The following COP1 variants were observed in gnomAD, a reference collection of about 807,000 sequenced individuals.
The protein encoded by COP1 is E3 ubiquitin-protein ligase COP1.
COP1 carries 24 observed loss-of-function variants against 101.3 expected under a neutral mutation model. The ratio of observed to expected loss-of-function variants is 0.24; its 90% CI spans 0.17 to 0.33. COP1 has a LOEUF of 0.33. Ranked by LOEUF, COP1 falls within the 10% of genes least tolerant of loss-of-function variation. The pLI, the probability that COP1 is intolerant of heterozygous loss-of-function variation, is 1.00. For missense variants in COP1, 663 were observed against 906.2 expected, an observed-to-expected ratio of 0.73 and a Z score of 3.45; for synonymous variants, 347 against 341.9, an observed-to-expected ratio of 1.01 and a Z score of -0.17.
intron 6 of COP1, among the ~76,000 whole-genome samples, chr1:176,145,929 T>C (rs1691524730): frequency 6.6e-6 from 1 of 152,152 alleles, no homozygotes; most frequent in South Asian, 2.1e-4. Flanking sequence ...TCTAGCAGTA[T>C]TGCATTGTGC....
At position 175,986,979 on chromosome 1, in the gene COP1, A is replaced by G; in HGVS notation, c.2097T>C (p.Phe699=). 1.9e-6 allele frequency: 3 copies of G among 1,609,758 alleles called. No individual in the cohort carries two copies. The highest frequency in any genetic ancestry group is 2.5e-6 in the Non-Finnish European group (3 of 1,178,710). The change falls in exon 18 of 20, where the codon TTT becomes TTC. Residue 699 remains phenylalanine, a synonymous_variant. Coordinates refer to ENST00000367669, the MANE Select transcript of COP1 (RefSeq NM_022457.7). ...KDRKEDDTNE[F]VSAVCWRALP... ...GTGCCCTCCAGCACACAGCACTAAC[A>G]AATTCATTTGTATCATCTTCTTTTC...
At chr1:176,032,692 A>G (rs1668835704) in intron 14 of COP1, among the ~76,000 whole-genome samples, 1 of 152,102 alleles carries the variant, frequency 6.6e-6, no homozygotes, top group African/African-American at 2.4e-5. Context: ...AGCGACTGCG[A>G]AGAGAGAAAA....
At chr1:176,107,626 C>A (rs1684536318) in intron 9 of COP1, among the ~76,000 whole-genome samples, 2 of 152,096 alleles carry the variant, frequency 1.3e-5, no homozygotes, top group Admixed American at 6.5e-5. Context: ...AGAAAATCAT[C>A]ATTTGGACAA....
chr1:175,974,515 C>T (rs988060089), intron 18 of COP1, among the ~76,000 whole-genome samples: 3 of 151,974 alleles, frequency 2.0e-5, no homozygotes, highest in South Asian at 2.1e-4. Context: ...GACTCAGGTA[C>T]GACACTCAGT....
chr1:176,041,754 TCAGGAGTTCGAGAC>T (rs1670579291), intron 14 of COP1, among the ~76,000 whole-genome samples: 1 of 151,738 alleles, frequency 6.6e-6, no homozygotes, highest in Non-Finnish European at 1.5e-5. Context: ...TCACTGGAGG[TCAGGAGTTCGAGAC>T]CAGCCTGGCC....
intron 14 of COP1, among the ~76,000 whole-genome samples, chr1:176,035,537 A>C (rs10913128): frequency 0.33 from 49,425 of 151,626 alleles, 8,621 homozygotes; most frequent in Admixed American, 0.4. Flanking sequence ...GTGATATTAT[A>C]TATTAACAAA....
intron 15 of COP1, among the ~76,000 whole-genome samples, chr1:176,019,921 A>G (rs1240992074): frequency 6.6e-6 from 1 of 152,124 alleles, no homozygotes; most frequent in African/African-American, 2.4e-5. Flanking sequence ...ATCTATTTAT[A>G]TATGTTCATG....
At chr1:176,055,601 C>T (rs965919795) in intron 11 of COP1, among the ~76,000 whole-genome samples, 1 of 152,040 alleles carries the variant, frequency 6.6e-6, no homozygotes, top group Non-Finnish European at 1.5e-5. Flanking sequence ...CCAAACCAGA[C>T]CTCTCTCTAC....
At chr1:175,993,145 G>A (rs1311739655) in intron 15 of COP1, among the ~76,000 whole-genome samples, 3 of 152,180 alleles carry the variant, frequency 2.0e-5, no homozygotes, top group East Asian at 1.9e-4. Context: ...GTCTGGAGTG[G>A]ACCTCTAGCA....
intron 15 of COP1, among the ~76,000 whole-genome samples, chr1:176,011,304 A>C (rs1235102987): frequency 6.6e-6 from 1 of 152,220 alleles, no homozygotes; most frequent in African/African-American, 2.4e-5. Context: ...ATGTAGCTAG[A>C]ACTAATACTG....
intron 3 of COP1, among the ~76,000 whole-genome samples, chr1:176,172,200 C>A (rs910265408): frequency 4.1e-4 from 63 of 152,262 alleles, no homozygotes; most frequent in African/African-American, 1.4e-3. Flanking sequence ...CAGCTGCATA[C>A]CAACACGCCT....
chr1:175,972,787 C>T (rs1653584870), intron 18 of COP1, among the ~76,000 whole-genome samples: 1 of 151,992 alleles, frequency 6.6e-6, no homozygotes, highest in African/African-American at 2.4e-5. Context: ...GAATTTCTAG[C>T]CTCAGGAAGC....
chr1:176,035,114 C>T (rs1364658589), intron 14 of COP1, among the ~76,000 whole-genome samples: 1 of 152,004 alleles, frequency 6.6e-6, no homozygotes, highest in African/African-American at 2.4e-5. Flanking sequence ...AAAGGTCAGT[C>T]CTAAGGTTTA....
At chr1:175,991,115 G>A (rs1444089242) in intron 15 of COP1, among the ~76,000 whole-genome samples, 1 of 152,010 alleles carries the variant, frequency 6.6e-6, no homozygotes, top group African/African-American at 2.4e-5. Flanking sequence ...TGAACAGTAA[G>A]TACAATAATA....
chr1:176,078,618 C>A (rs199702008), intron 11 of COP1, among the ~76,000 whole-genome samples: 53 of 143,810 alleles, frequency 3.7e-4, no homozygotes, highest in Admixed American at 4.8e-4. Flanking sequence ...AAAGCAATTG[C>A]AAAAAAAAAA....
intron 14 of COP1, among the ~76,000 whole-genome samples, chr1:176,034,677 C>T (rs939344941): frequency 1.3e-5 from 2 of 152,188 alleles, no homozygotes; most frequent in Non-Finnish European, 2.9e-5. Context: ...TGTGCATTCA[C>T]TGGCACAGTC....
chr1:176,008,832 T>A (rs1057356827), intron 15 of COP1, among the ~76,000 whole-genome samples: 2 of 152,136 alleles, frequency 1.3e-5, no homozygotes, highest in African/African-American at 4.8e-5. Context: ...CTTTAATGAG[T>A]TTTTTATTTA....
chr1:176,043,090 G>A lies in COP1; in HGVS notation c.1612+96C>T. ...ATCAGTAATCACAAAGGACTGACAT[G>A]AGTTTGAGTAAATATTTGTATTTCT... On this transcript the variant is annotated intron_variant, in intron 14 of 19. Coordinates refer to ENST00000367669, the MANE Select transcript of COP1 (RefSeq NM_022457.7). 4.0e-6 allele frequency: 3 copies of A among 755,416 alleles called. No individual in the cohort carries two copies. In the Admixed American group the frequency reaches 6.3e-5, roughly 16 times the overall value. 46.8% of individuals were successfully genotyped at this position (755,416 alleles called of 1,614,324 possible).
At chr1:176,006,392 T>C (rs1571608444) in intron 15 of COP1, among the ~76,000 whole-genome samples, 1 of 152,356 alleles carries the variant, frequency 6.6e-6, no homozygotes, top group Admixed American at 6.5e-5. Flanking sequence ...CCTGTCATTA[T>C]GATGTTAGCT....
Sources: gnomAD v4.1 joint callset for allele counts (sites outside exome capture counted in the v4.1 genomes callset) on GRCh38, gnomAD v4.1.1 for gene constraint, MANE v1.5 for transcripts, NCBI Gene and HGNC (gene_info 2026-07-23, HGNC 2026-07-21) for gene names.